Variants in MTA3 observed in about 807,000 individuals in gnomAD.
MTA3 encodes the protein metastasis associated 1 family member 3, also known as metastasis-associated protein MTA3.
A neutral mutation model predicts 83.5 loss-of-function variants in MTA3; 34 were observed. The ratio of observed to expected loss-of-function variants is 0.41; its 90% CI spans 0.31 to 0.54. The LOEUF (loss-of-function observed/expected upper bound fraction) is 0.54, where lower values mean the gene tolerates loss of function less well. Among genes scored for constraint, MTA3 ranks in the 20% least tolerant of loss-of-function variants. The pLI, the probability that MTA3 is intolerant of heterozygous loss-of-function variation, is 0.33. For missense variants in MTA3, 761 were observed against 726.4 expected, an observed-to-expected ratio of 1.05 and a Z score of -0.55; for synonymous variants, 303 against 252.7, an observed-to-expected ratio of 1.20 and a Z score of -1.89.
intron 8 of MTA3, among the ~76,000 whole-genome samples, chr2:42,676,469 A>G (rs1691358159): frequency 1.3e-5 from 2 of 152,286 alleles, no homozygotes; most frequent in South Asian, 2.1e-4. Flanking sequence ...CCTGTTAATT[A>G]TAAAAATTTC....
intron 2 of MTA3, among the ~76,000 whole-genome samples, chr2:42,508,231 C>T (rs1674726378): frequency 6.6e-6 from 1 of 152,136 alleles, no homozygotes; most frequent in Non-Finnish European, 1.5e-5. Context: ...AGCATATAAA[C>T]CTATTTTTTT....
At chr2:42,659,266 T>C (rs958288267) in intron 7 of MTA3, among the ~76,000 whole-genome samples, 1 of 152,194 alleles carries the variant, frequency 6.6e-6, no homozygotes, top group Admixed American at 6.5e-5. Flanking sequence ...GGTAATTTCT[T>C]TTTAAATGAG....
chr2:42,620,681 T>TA (rs1336491503), intron 4 of MTA3, among the ~76,000 whole-genome samples: 1 of 152,096 alleles, frequency 6.6e-6, no homozygotes, highest in Non-Finnish European at 1.5e-5. Context: ...TTTGTAGGGA[T>TA]AGAGTCTAGC....
intron 6 of MTA3, among the ~76,000 whole-genome samples, chr2:42,654,732 A>G (rs989325125): frequency 2.6e-5 from 4 of 152,096 alleles, no homozygotes; most frequent in African/African-American, 9.7e-5. Flanking sequence ...TTTCCACCTC[A>G]GCTTCCTGAG....
intron 8 of MTA3, among the ~76,000 whole-genome samples, chr2:42,662,288 C>T (rs999128942): frequency 1.3e-5 from 2 of 151,896 alleles, no homozygotes; most frequent in Non-Finnish European, 2.9e-5. Flanking sequence ...CCTTTGTGAG[C>T]ATGTGTGTGA....
chr2:42,570,441 T>C lies in MTA3; in HGVS notation c.33T>C (p.Tyr11=). The C allele has an allele frequency of 6.5e-7, 1 of 1,531,186 alleles. No individual in the cohort carries two copies. The highest frequency in any genetic ancestry group is 1.2e-5 in the South Asian group (1 of 83,292). 94.8% of individuals were successfully genotyped at this position (1,531,186 alleles called of 1,614,324 possible). Residue 11 remains tyrosine (Y), a synonymous_variant, in exon 2 of 17, where the codon TAT becomes TAC. Coordinates refer to ENST00000405094, the MANE Select transcript of MTA3 (RefSeq NM_001330442.2). MAANMYRVGD[Y]VYFENSSSNP... ...CTGTACTTCCTTTAATTACAGATTA[T>C]GTCTACTTTGAGAATTCCTCCAGCA...
intron 4 of MTA3, among the ~76,000 whole-genome samples, chr2:42,625,563 G>A (rs553020155): frequency 2.0e-5 from 3 of 150,220 alleles, no homozygotes; most frequent in East Asian, 2.0e-4. Context: ...TGGCTAACAC[G>A]GTGAAACCCC....
intron 16 of MTA3, among the ~76,000 whole-genome samples, chr2:42,749,491 A>G (rs1404810565): frequency 6.6e-6 from 1 of 152,120 alleles, no homozygotes; most frequent in African/African-American, 2.4e-5. Context: ...TTTTTGAGAC[A>G]GAGTCTTGCT....
intron 2 of MTA3, among the ~76,000 whole-genome samples, chr2:42,501,846 C>T (rs1166848981): frequency 2.6e-5 from 4 of 151,950 alleles, no homozygotes; most frequent in East Asian, 1.9e-4. Flanking sequence ...GGCCTGGTGG[C>T]GCATGCTTGT....
chr2:42,516,473 T>C (rs574584024), intron 2 of MTA3, among the ~76,000 whole-genome samples: 77 of 152,318 alleles, frequency 5.1e-4, no homozygotes, highest in African/African-American at 1.8e-3. Flanking sequence ...GGTTACTCCT[T>C]TTCTCCTTCC....
Position 42,496,065 on chromosome 2 carries a change from G to T in MTA3, c.-141+811G>T, listed in dbSNP as rs1360480710. ...CAATAGAAGACAGAACTATAGTGCC[G>T]ATTGTTTGCTCTAACATTATTGTAG... On this transcript the variant is annotated intron_variant, in intron 2 of 17. Coordinates refer to the MTA3 transcript ENST00000405592. Among the ~76,000 whole-genome samples the T allele has an allele frequency of 2.0e-5, 3 of 152,316 alleles. No homozygotes were observed. The East Asian group carries it at 5.8e-4, about 29-fold the overall frequency.
chr2:42,679,262 C>T (rs1691653816), intron 8 of MTA3, among the ~76,000 whole-genome samples: 2 of 152,164 alleles, frequency 1.3e-5, no homozygotes, highest in South Asian at 4.1e-4. Context: ...TATTATGGCT[C>T]ACTCCCCTTC....
chr2:42,664,650 T>G (rs1299675581), intron 8 of MTA3, among the ~76,000 whole-genome samples: 2 of 151,960 alleles, frequency 1.3e-5, no homozygotes, highest in African/African-American at 4.8e-5. Flanking sequence ...GCCGACTAAT[T>G]ACGGTCCTAT....
In MTA3 at chr2:42,579,339, T is replaced by C. The variant is rs1042166954; in HGVS notation, c.190+139T>C. The C allele has an allele frequency of 2.8e-5, 17 of 605,968 alleles. No individual in the cohort carries two copies. In the East Asian group the frequency reaches 4.7e-4, roughly 17 times the overall value. 37.5% of individuals were successfully genotyped at this position (605,968 alleles called of 1,614,324 possible). ...GTAGTTTTGATGGGAGTAAAATAAG[T>C]GATACTAACTGAAACCAAACACTGG... On this transcript the variant is annotated intron_variant, in intron 3 of 16. Coordinates refer to ENST00000405094, the MANE Select transcript of MTA3 (RefSeq NM_001330442.2).
intron 9 of MTA3, among the ~76,000 whole-genome samples, chr2:42,684,074 C>T (rs1441767722): frequency 1.3e-5 from 2 of 152,038 alleles, no homozygotes; most frequent in Non-Finnish European, 2.9e-5. Flanking sequence ...ACTTACTTAC[C>T]CCATGCAGTG....
intron 8 of MTA3, among the ~76,000 whole-genome samples, chr2:42,675,622 C>G (rs979091794): frequency 5.9e-5 from 9 of 152,176 alleles, no homozygotes; most frequent in Non-Finnish European, 1.0e-4. Flanking sequence ...TAGGAAATCA[C>G]TATTCTGCCT....
intron 16 of MTA3, among the ~76,000 whole-genome samples, chr2:42,735,330 C>A (rs934994993): frequency 2.0e-5 from 3 of 152,124 alleles, no homozygotes; most frequent in South Asian, 2.1e-4. Flanking sequence ...AGTCTGCTGC[C>A]AGACATATTG....
intron 5 of MTA3, among the ~76,000 whole-genome samples, chr2:42,641,482 C>T (rs969897176): frequency 6.6e-6 from 1 of 151,920 alleles, no homozygotes; most frequent in African/African-American, 2.4e-5. Context: ...ATGATAATGC[C>T]CAGAAATTAG....
chr2:42,676,540 C>T (rs1329716220), intron 8 of MTA3, among the ~76,000 whole-genome samples: 1 of 152,142 alleles, frequency 6.6e-6, no homozygotes. Flanking sequence ...CCAAGACAGG[C>T]AGATCGCTTG....
Sources: gnomAD v4.1 joint callset for allele counts (sites outside exome capture counted in the v4.1 genomes callset) on GRCh38, gnomAD v4.1.1 for gene constraint, MANE v1.5 for transcripts, NCBI Gene and HGNC (gene_info 2026-07-23, HGNC 2026-07-21) for gene names.